SLC30A4: variants seen among roughly 807,000 people sequenced by gnomAD.
SLC30A4 encodes the protein probable proton-coupled zinc antiporter SLC30A4.
In SLC30A4, 20 loss-of-function variants were observed where a neutral mutation model predicts 41.7. The observed-to-expected ratio is 0.48, with a 90% CI of 0.34 to 0.70. The LOEUF (loss-of-function observed/expected upper bound fraction) is 0.70. Ranked by LOEUF, SLC30A4 falls within the 30% of genes least tolerant of loss-of-function variation. The pLI is 0.01. For synonymous variants in SLC30A4, 181 were observed against 195.9 expected, an observed-to-expected ratio of 0.92 and a Z score of 0.64; for missense variants, 441 against 529.3, an observed-to-expected ratio of 0.83 and a Z score of 1.64.
chr15:45,504,367 G>C (rs1024270107), intron 3 of SLC30A4, among the ~76,000 whole-genome samples: 2 of 151,986 alleles, frequency 1.3e-5, no homozygotes, highest in Non-Finnish European at 2.9e-5. Flanking sequence ...AAAATATTTA[G>C]TAACTTAAAA....
chr15:45,514,378 A>C (rs1446646462), intron 2 of SLC30A4, among the ~76,000 whole-genome samples: 1 of 149,720 alleles, frequency 6.7e-6, no homozygotes, highest in Non-Finnish European at 1.5e-5. Context: ...AAAAAAAAAA[A>C]ATTATAGAAA....
At chr15:45,503,781 T>TA (rs1269219611) in intron 3 of SLC30A4, among the ~76,000 whole-genome samples, 1 of 152,076 alleles carries the variant, frequency 6.6e-6, no homozygotes, top group African/African-American at 2.4e-5. Context: ...ATCCCATCTC[T>TA]ACTAAAAAGA....
At chr15:45,513,908 C>T (rs1220821943) in intron 2 of SLC30A4, 4 of 152,266 alleles carry the variant, frequency 2.6e-5, no homozygotes, top group Non-Finnish European at 5.9e-5. Flanking sequence ...ATGAACAGCC[C>T]CCATCTTCCC....
At position 45,487,960 on chromosome 15, in the gene SLC30A4, A is replaced by AGTGTGTGT. The variant is rs58392709; in HGVS notation, c.895-336_895-329dup. Among the ~76,000 whole-genome samples the AGTGTGTGT allele has an allele frequency of 1.9e-3, 265 of 139,768 alleles. 2 individuals carry two copies. The highest frequency in any genetic ancestry group is 6.1e-3 in the African/African-American group (233 of 38,246). 91.7% of individuals were successfully genotyped at this position (139,768 alleles called of 152,430 possible). On this transcript the variant is annotated intron_variant, in intron 5 of 7. Coordinates refer to ENST00000261867, the MANE Select transcript of SLC30A4 (RefSeq NM_013309.6). ...TGTGTGTGTGTCAAAGCTGGAAAAA[A>AGTGTGTGT]GTGTGTGTGTGTGTGTGTGTGTGTG...
intron 3 of SLC30A4, among the ~76,000 whole-genome samples, chr15:45,499,068 T>A (rs937825747): frequency 6.6e-6 from 1 of 150,910 alleles, no homozygotes; most frequent in African/African-American, 2.4e-5. Context: ...CACTTAGCCA[T>A]GAGCCTAGGC....
intron 5 of SLC30A4, among the ~76,000 whole-genome samples, chr15:45,488,238 T>A (rs1283907212): frequency 6.6e-6 from 1 of 152,152 alleles, no homozygotes; most frequent in Non-Finnish European, 1.5e-5. Flanking sequence ...TTCAGTCCAG[T>A]GCACATTTTA....
intron 3 of SLC30A4, among the ~76,000 whole-genome samples, chr15:45,497,860 C>T (rs1891938955): frequency 6.6e-6 from 1 of 152,114 alleles, no homozygotes; most frequent in Admixed American, 6.5e-5. Flanking sequence ...TGTTTGTATA[C>T]ATATGTACTA....
At chr15:45,490,706 A>C in intron 4 of SLC30A4, 22 bp downstream of exon 4, 1 of 1,549,924 alleles carries the variant, frequency 6.5e-7, no homozygotes, top group Non-Finnish European at 8.8e-7. Flanking sequence ...GAAAATATTA[A>C]TGTGAAAAAA....
At chr15:45,492,547 T>C (rs1295800473) in intron 3 of SLC30A4, among the ~76,000 whole-genome samples, 1 of 152,124 alleles carries the variant, frequency 6.6e-6, no homozygotes, top group East Asian at 1.9e-4. Flanking sequence ...GGCTATTAAT[T>C]AAACGTTGTA....
chr15:45,505,189 C>T (rs982476375), intron 3 of SLC30A4, among the ~76,000 whole-genome samples: 1 of 149,976 alleles, frequency 6.7e-6, no homozygotes, highest in Admixed American at 6.7e-5. Flanking sequence ...CAAGATTGCG[C>T]CATTGCACTC....
At chr15:45,509,248 C>CTTT (rs879266404) in intron 3 of SLC30A4, among the ~76,000 whole-genome samples, 3 of 133,314 alleles carry the variant, frequency 2.3e-5, no homozygotes, top group East Asian at 2.2e-4. Context: ...GGAACACATT[C>CTTT]TTTTTTTTTT....
intron 3 of SLC30A4, among the ~76,000 whole-genome samples, chr15:45,504,592 T>C (rs778816599): frequency 4.6e-5 from 7 of 152,228 alleles, no homozygotes; most frequent in Non-Finnish European, 8.8e-5. Flanking sequence ...TACAGTGACA[T>C]TTATGTATAT....
At chr15:45,492,645 G>C (rs934438793) in intron 3 of SLC30A4, among the ~76,000 whole-genome samples, 2 of 151,854 alleles carry the variant, frequency 1.3e-5, no homozygotes, top group African/African-American at 4.8e-5. Flanking sequence ...AAGAAGAAAA[G>C]AGCTTATTCT....
At chr15:45,522,496 T>C in intron 1 of SLC30A4, 28 bp from the exon 2 acceptor site, 2 of 858,020 alleles carry the variant, frequency 2.3e-6, no homozygotes, top group South Asian at 3.8e-5. Context: ...CGTTATAAAT[T>C]AAAGGCGCCC....
At chr15:45,490,954 A>G in intron 3 of SLC30A4, 73 bp from the exon 4 acceptor site, 1 of 983,414 alleles carries the variant, frequency 1.0e-6, no homozygotes, top group East Asian at 2.6e-5. Context: ...TAAATATTAT[A>G]TAGTCTTTTT....
At chr15:45,513,569 T>C (rs981456551) in intron 2 of SLC30A4, 1 of 152,092 alleles carries the variant, frequency 6.6e-6, no homozygotes, top group Non-Finnish European at 1.5e-5. Context: ...ATCAGCTTTT[T>C]CAGAACTTTG....
Position 45,488,942 on chromosome 15 carries a change from C to T in SLC30A4, c.793G>A (p.Gly265Arg). The T allele has an allele frequency of 6.2e-7, 1 of 1,614,132 alleles. No homozygotes were observed. Among genetic ancestry groups the T allele is most frequent in the Non-Finnish European group, 8.5e-7 (1 of 1,180,004 alleles). ...TRGSGCERNH[G>R]QDSLAVRAAF... ...GCTCTCACTGCCAGGCTATCCTGCC[C>T]ATGGTTACGTTCACACCCAGAACCT... Residue 265 changes from glycine (G) to arginine (R), a missense_variant, in exon 5 of 8, where the codon GGG (glycine) becomes AGG (arginine). Gly to Arg is a moderately radical substitution (Grantham distance 125). Coordinates refer to ENST00000261867, the MANE Select transcript of SLC30A4 (RefSeq NM_013309.6).
chr15:45,503,039 A>G (rs1892073632), intron 3 of SLC30A4: 1 of 151,952 alleles, frequency 6.6e-6, no homozygotes, highest in Non-Finnish European at 1.5e-5. Flanking sequence ...TTTACACACG[A>G]ATTTCAGAAA....
intron 3 of SLC30A4, among the ~76,000 whole-genome samples, chr15:45,506,325 C>T (rs193156659): frequency 2.6e-5 from 4 of 152,284 alleles, no homozygotes; most frequent in African/African-American, 9.6e-5. Context: ...CCCACCATGT[C>T]ATCAAAACAA....
Sources: gnomAD v4.1 joint callset for allele counts (sites outside exome capture counted in the v4.1 genomes callset) on GRCh38, gnomAD v4.1.1 for gene constraint, MANE v1.5 for transcripts, NCBI Gene and HGNC (gene_info 2026-07-23, HGNC 2026-07-21) for gene names.